Variants in SLC22A2 observed in about 807,000 individuals in gnomAD.
SLC22A2 encodes solute carrier family 22 member 2, also known as organic cation transporter 2.
SLC22A2 carries 46 observed loss-of-function variants against 60.5 expected under a neutral mutation model. That is an observed-to-expected ratio of 0.76 (90% confidence interval 0.60 to 0.97). The LOEUF is 0.97. Among genes scored for constraint, SLC22A2 ranks in the 50% least tolerant of loss-of-function variants. The pLI is 0.00. For synonymous variants in SLC22A2, 303 were observed against 267.0 expected (o/e 1.13, Z -1.31); for missense variants, 701 against 706.6 (o/e 0.99, Z 0.09).
At chr6:160,227,568 C>T (rs1782743699) in intron 9 of SLC22A2, among the ~76,000 whole-genome samples, 1 of 152,216 alleles carries the variant, frequency 6.6e-6, no homozygotes, top group Admixed American at 6.5e-5. Context: ...GTGCCTCAGG[C>T]AAGTCACTCA....
At chr6:160,227,160 C>CT (rs1242555841) in intron 9 of SLC22A2, among the ~76,000 whole-genome samples, 1 of 152,184 alleles carries the variant, frequency 6.6e-6, no homozygotes, top group African/African-American at 2.4e-5. Flanking sequence ...TTTCCAGACC[C>CT]TCCCAATCCT....
chr6:160,254,595 C>CA (rs981688032), intron 2 of SLC22A2, among the ~76,000 whole-genome samples: 33 of 152,296 alleles, frequency 2.2e-4, no homozygotes, highest in African/African-American at 7.7e-4. Flanking sequence ...ATTAACTATA[C>CA]AAAAAACAAA....
intron 2 of SLC22A2, among the ~76,000 whole-genome samples, chr6:160,253,257 T>C (rs998391432): frequency 6.6e-6 from 1 of 152,236 alleles, no homozygotes; most frequent in Non-Finnish European, 1.5e-5. Flanking sequence ...TTTAATTATA[T>C]GCAAATTAAT....
At chr6:160,249,506 C>G (rs1027163097) in intron 3 of SLC22A2, 122 bp from the exon 4 acceptor site, 2 of 722,132 alleles carry the variant, frequency 2.8e-6, no homozygotes, top group Non-Finnish European at 4.7e-6. Context: ...TTCTACGCAA[C>G]TCTCTGAATA....
At chr6:160,236,103 ATTG>A (rs145590578) in intron 9 of SLC22A2, among the ~76,000 whole-genome samples, 14,829 of 152,194 alleles carry the variant, frequency 0.097, 792 homozygotes, top group Non-Finnish European at 0.12. Context: ...TCCACAGACA[ATTG>A]TTGTTTTGTG....
intron 2 of SLC22A2, among the ~76,000 whole-genome samples, chr6:160,252,306 A>C (rs770039089): frequency 7.9e-5 from 12 of 152,248 alleles, no homozygotes; most frequent in Non-Finnish European, 1.5e-4. Flanking sequence ...TCAGGCACAC[A>C]GTAGAACACC....
In SLC22A2 at chr6:160,234,185, A is replaced by C. The variant is rs184551765; in HGVS notation, c.1501+7289T>G. On this transcript the variant is annotated intron_variant, in intron 9 of 10. Coordinates refer to ENST00000366953, the MANE Select transcript of SLC22A2 (RefSeq NM_003058.4). ...CTGTAATTTTCCTTTACCTACCCAC[A>C]TCCTATAAAACGGCCCCACCCTATC... Among the ~76,000 whole-genome samples the C allele has an allele frequency of 1.4e-4, 21 of 151,758 alleles. No homozygotes were observed. In the East Asian group the frequency reaches 4.1e-3, roughly 29 times the overall value.
At chr6:160,247,396 G>A (rs1583399439) in intron 4 of SLC22A2, 98 bp from the exon 5 acceptor site, 1 of 696,010 alleles carries the variant, frequency 1.4e-6, no homozygotes, top group Non-Finnish European at 2.6e-6. Context: ...TGTTAATACA[G>A]TTGGATCTCC....
At chr6:160,237,910 C>A (rs780621225) in intron 9 of SLC22A2, among the ~76,000 whole-genome samples, 3 of 152,232 alleles carry the variant, frequency 2.0e-5, no homozygotes, top group Non-Finnish European at 4.4e-5. Flanking sequence ...CTCACTGCTA[C>A]ACTCCCACCA....
rs562475375 is a variant in SLC22A2 at position 160,220,446 on chromosome 6, C to T, written c.1602-2948G>A. 2.6e-5 allele frequency among the ~76,000 whole-genome samples: 4 copies of T among 152,304 alleles called. No homozygotes were observed. In the South Asian group the frequency reaches 8.3e-4, roughly 32 times the overall value. On this transcript the variant is annotated intron_variant, in intron 10 of 10. Coordinates refer to ENST00000366953, the MANE Select transcript of SLC22A2 (RefSeq NM_003058.4). ...CAAAGTTATCCATGAGGGCTGTAAT[C>T]AACTTCTTCAAAACTCCCATTAACG...
At position 160,217,284 on chromosome 6, in the gene SLC22A2, T is replaced by C. The variant is rs1782555458; in HGVS notation, c.*148A>G. ...ATGGGTATTTTTCCACAGTGTACAA[T>C]AGACTCCACTGGCTGTAGACCTAGG... On this transcript the variant is annotated 3_prime_UTR_variant, in exon 11 of 11. Transcript: ENST00000366953. 1.8e-6 allele frequency: 1 copy of C among 556,188 alleles called. No homozygotes were observed. Among genetic ancestry groups the C allele is most frequent in the Admixed American group, 3.4e-5 (1 of 29,044 alleles). 34.5% of individuals were successfully genotyped at this position (556,188 alleles called of 1,614,324 possible).
intron 1 of SLC22A2, 128 bp from the exon 2 acceptor site, chr6:160,256,845 G>A (rs1372553487): frequency 3.2e-6 from 2 of 623,082 alleles, no homozygotes; most frequent in African/African-American, 1.9e-5. Flanking sequence ...ATAGTTAAGT[G>A]GCAATAAGCC....
intron 8 of SLC22A2, 38 bp from the exon 9 acceptor site, chr6:160,241,624 C>G (rs1217747415): frequency 7.6e-7 from 1 of 1,314,150 alleles, no homozygotes; most frequent in Admixed American, 1.7e-5. Flanking sequence ...GTTAACTTAT[C>G]ACAGTGCAGT....
At chr6:160,250,512 C>A (rs1356984855) in intron 3 of SLC22A2, 36 bp downstream of exon 3, 1 of 1,612,192 alleles carries the variant, frequency 6.2e-7, no homozygotes, top group African/African-American at 1.3e-5. Context: ...AGCGAGGTTG[C>A]TTTGTTCTCA....
Position 160,250,681 on chromosome 6 carries a change from G to C in SLC22A2, c.540C>G (p.Leu180=). The C allele has an allele frequency of 6.2e-7, 1 of 1,614,090 alleles. No individual in the cohort carries two copies. Among genetic ancestry groups the C allele is most frequent in the Non-Finnish European group, 8.5e-7 (1 of 1,179,938 alleles). ...IADRFGRKLC[L]LTTVLINAAA... ...CAGCATTTATGAGGACTGTAGTTAG[G>C]AGGCAGAGCTTACGGCCAAACCTGC... The change falls in exon 3 of 11, where the codon CTC becomes CTG. Residue 180 remains leucine (L), a synonymous_variant. Transcript: ENST00000366953.
At chr6:160,246,297 G>A (rs555024471) in intron 5 of SLC22A2, among the ~76,000 whole-genome samples, 1 of 152,204 alleles carries the variant, frequency 6.6e-6, no homozygotes, top group South Asian at 2.1e-4. Context: ...CACTGCACCT[G>A]GCCTATTTTC....
chr6:160,241,815 A>G (rs1046030434), intron 8 of SLC22A2, among the ~76,000 whole-genome samples: 1 of 151,218 alleles, frequency 6.6e-6, no homozygotes, highest in Admixed American at 6.6e-5. Context: ...AAAAAAAAAC[A>G]CCAAAAATAA....
rs1782560082 is a variant in SLC22A2, at chr6:160,217,489, T to C, written c.1611A>G (p.Lys537=). Residue 537 remains lysine, a synonymous_variant, in exon 11 of 11, where the codon AAA becomes AAG. Coordinates refer to ENST00000366953, the MANE Select transcript of SLC22A2 (RefSeq NM_003058.4). ...GGAGGTAAATCATCTTTTCTTTATT[T>C]TTTCTTGGTCTGCAATAAGAAATAA... ...EEAENMQRPR[K]NKEKMIYLQV... The C allele has an allele frequency of 6.3e-7, 1 of 1,588,166 alleles. No homozygotes were observed. Among genetic ancestry groups the C allele is most frequent in the Non-Finnish European group, 8.6e-7 (1 of 1,157,056 alleles).
rs1472826429 is a variant in SLC22A2, at chr6:160,242,378, A to T, written c.1304T>A (p.Ile435Asn). ...GATCCCCATTCTTCCCAAGCATGAG[A>T]TAATAATTTTTAGCCATTGTAGATC... ...PGDLQWLKII[I>N]SCLGRMGITM... The change falls in exon 8 of 11, where the codon ATC becomes AAC. Residue 435 changes from isoleucine to asparagine, a missense_variant. Ile to Asn is a moderately radical substitution (Grantham distance 149). Coordinates refer to ENST00000366953, the MANE Select transcript of SLC22A2 (RefSeq NM_003058.4). 1.9e-6 allele frequency: 3 copies of T among 1,603,966 alleles called. No individual in the cohort carries two copies. In the Admixed American group the frequency reaches 5.0e-5, roughly 27 times the overall value.
Sources: gnomAD v4.1 joint callset for allele counts (sites outside exome capture counted in the v4.1 genomes callset) on GRCh38, gnomAD v4.1.1 for gene constraint, MANE v1.5 for transcripts, NCBI Gene and HGNC (gene_info 2026-07-23, HGNC 2026-07-21) for gene names.